MYO1B: variants seen among roughly 807,000 people sequenced by gnomAD.
MYO1B encodes myosin IB, also known as unconventional myosin-Ib.
A neutral mutation model predicts 159.7 loss-of-function variants in MYO1B; 72 were observed. The ratio of observed to expected loss-of-function variants is 0.45; its 90% CI spans 0.37 to 0.55. The LOEUF (loss-of-function observed/expected upper bound fraction) is 0.55, where lower values mean the gene tolerates loss of function less well. MYO1B is among the 20% of genes least tolerant of loss of function. MYO1B has a pLI of 0.00. For synonymous variants in MYO1B, 468 were observed against 473.8 expected (o/e 0.99, Z 0.16); for missense variants, 1,062 against 1,364.8 (o/e 0.78, Z 3.50).
chr2:191,273,180 G>A (rs1051746038), intron 1 of MYO1B, among the ~76,000 whole-genome samples: 7 of 152,088 alleles, frequency 4.6e-5, no homozygotes, highest in African/African-American at 1.7e-4. Context: ...GTGCAGTGGT[G>A]CAATCTCAGC....
At chr2:191,402,829 A>G in intron 24 of MYO1B, 111 bp downstream of exon 24, 3 of 757,462 alleles carry the variant, frequency 4.0e-6, no homozygotes, top group Non-Finnish European at 6.1e-6. Flanking sequence ...ACAGTCTTGT[A>G]GAATGTCATC....
chr2:191,348,048 T>C (rs1021412022), intron 6 of MYO1B, among the ~76,000 whole-genome samples: 8 of 152,174 alleles, frequency 5.3e-5, no homozygotes, highest in Non-Finnish European at 4.4e-5. Flanking sequence ...CAGCTGTAGT[T>C]TGACATATTG....
At chr2:191,271,861 G>A (rs949116955) in intron 1 of MYO1B, among the ~76,000 whole-genome samples, 1 of 152,240 alleles carries the variant, frequency 6.6e-6, no homozygotes, top group East Asian at 1.9e-4. Context: ...GTGTGTTGGG[G>A]GGCTATGTTG....
chr2:191,303,808 TG>T (rs1426957949), intron 3 of MYO1B, among the ~76,000 whole-genome samples: 1 of 152,152 alleles, frequency 6.6e-6, no homozygotes, highest in African/African-American at 2.4e-5. Flanking sequence ...TGCAAGGCTT[TG>T]CATCTGTCCA....
rs71030332 is a variant in MYO1B at position 191,303,703 on chromosome 2, G to GA, written c.251+7488dup. On this transcript the variant is annotated intron_variant, in intron 3 of 30. Coordinates refer to ENST00000392318, the MANE Select transcript of MYO1B (RefSeq NM_001130158.3). ...AGAGCAGAGGAAGGGAAGCTTTCAT[G>GA]AAAAAAAAAAATTGAATCTTAAAGG... 2.9e-3 allele frequency among the ~76,000 whole-genome samples: 441 copies of GA among 149,660 alleles called. 3 individuals are homozygous for GA. Among genetic ancestry groups the GA allele is most frequent in the African/African-American group, 0.01 (422 of 40,696 alleles).
chr2:191,379,020 T>A (rs116207126), intron 13 of MYO1B, among the ~76,000 whole-genome samples: 2 of 152,202 alleles, frequency 1.3e-5, no homozygotes, highest in Non-Finnish European at 2.9e-5. Flanking sequence ...AAACTGTTTT[T>A]ATCCTGAAGA....
chr2:191,374,443 T>TA (rs571650731), intron 13 of MYO1B, among the ~76,000 whole-genome samples: 268 of 152,286 alleles, frequency 1.8e-3, no homozygotes, highest in African/African-American at 6.1e-3. Flanking sequence ...GAGACTTTTT[T>TA]AAAAAAATGC....
At chr2:191,338,684 C>T (rs919081164) in intron 4 of MYO1B, among the ~76,000 whole-genome samples, 28 of 152,310 alleles carry the variant, frequency 1.8e-4, no homozygotes, top group Admixed American at 7.2e-4. Context: ...CTAAGTTCAT[C>T]CTGGACCAGA....
chr2:191,364,384 A>G (rs952295574), intron 11 of MYO1B, 108 bp downstream of exon 11: 11 of 856,582 alleles, frequency 1.3e-5, no homozygotes, highest in African/African-American at 1.7e-5. Flanking sequence ...GAATCGTACT[A>G]TGTTCTAGGC....
At chr2:191,275,835 G>C (rs1354663342) in intron 1 of MYO1B, among the ~76,000 whole-genome samples, 1 of 152,150 alleles carries the variant, frequency 6.6e-6, no homozygotes, top group African/African-American at 2.4e-5. Flanking sequence ...GGTAATATTA[G>C]GAAAAATAAT....
chr2:191,308,134 A>G (rs1386829782), intron 3 of MYO1B, among the ~76,000 whole-genome samples: 1 of 151,902 alleles, frequency 6.6e-6, no homozygotes. Context: ...GAGGGGCCCC[A>G]CCTGAGTCCC....
chr2:191,272,750 T>A (rs918516783), intron 1 of MYO1B, among the ~76,000 whole-genome samples: 1 of 152,166 alleles, frequency 6.6e-6, no homozygotes, highest in Non-Finnish European at 1.5e-5. Context: ...GCCACAGGCA[T>A]AAAGGTCCAA....
chr2:191,281,914 G>A (rs1399308168), intron 2 of MYO1B, among the ~76,000 whole-genome samples: 1 of 152,146 alleles, frequency 6.6e-6, no homozygotes, highest in Non-Finnish European at 1.5e-5. Flanking sequence ...AGTTGTAGGA[G>A]TGACTACTTT....
At chr2:191,265,985 C>T (rs1255173345) in intron 1 of MYO1B, among the ~76,000 whole-genome samples, 1 of 152,000 alleles carries the variant, frequency 6.6e-6, no homozygotes, top group East Asian at 1.9e-4. Flanking sequence ...GAGAGGGAGG[C>T]AGGGCATGAC....
intron 2 of MYO1B, among the ~76,000 whole-genome samples, chr2:191,283,111 T>C (rs1471611262): frequency 6.6e-6 from 1 of 152,258 alleles, no homozygotes; most frequent in East Asian, 1.9e-4. Context: ...TCATTTTTGC[T>C]AATAACTTGC....
At chr2:191,380,206 T>C (rs1694957060) in intron 13 of MYO1B, among the ~76,000 whole-genome samples, 1 of 152,216 alleles carries the variant, frequency 6.6e-6, no homozygotes, top group Admixed American at 6.5e-5. Context: ...TGCTGCAGCA[T>C]AAGTATCATT....
Position 191,277,015 on chromosome 2 carries a change from C to T in MYO1B, c.120C>T (p.Asp40=), listed in dbSNP as rs1687793694. 6.2e-7 allele frequency: 1 copy of T among 1,613,528 alleles called. No homozygotes were observed. The highest frequency in any genetic ancestry group is 1.3e-5 in the African/African-American group (1 of 74,848). The part of the protein sequence containing the change: ...TFINNLKKRF[D]HSEIYTYIGS... ...TCAACAACCTCAAGAAGCGCTTTGA[C>T]CACAGTGAAATATACGTAAGTACAC... The change falls in exon 2 of 31, where the codon GAC becomes GAT. Residue 40 remains aspartate (D), a synonymous_variant. Coordinates refer to ENST00000392318, the MANE Select transcript of MYO1B (RefSeq NM_001130158.3).
chr2:191,360,790 G>GTTGT, intron 8 of MYO1B, 61 bp downstream of exon 8: 8 of 676,842 alleles, frequency 1.2e-5, no homozygotes, highest in Non-Finnish European at 1.6e-5. Flanking sequence ...GTTGTTGTTG[G>GTTGT]AGCTGGGAGT....
chr2:191,358,267 T>C (rs566364861), intron 7 of MYO1B, among the ~76,000 whole-genome samples: 33 of 152,268 alleles, frequency 2.2e-4, no homozygotes, highest in African/African-American at 7.5e-4. Flanking sequence ...TGTTCAGGGT[T>C]GAATATGATA....
Sources: gnomAD v4.1 joint callset for allele counts (sites outside exome capture counted in the v4.1 genomes callset) on GRCh38, gnomAD v4.1.1 for gene constraint, MANE v1.5 for transcripts, NCBI Gene and HGNC (gene_info 2026-07-23, HGNC 2026-07-21) for gene names.